GPRIN3: variants seen among roughly 807,000 people sequenced by gnomAD.
GPRIN3 encodes the protein GPRIN family member 3.
Under a neutral mutation model 13.7 loss-of-function variants are expected in GPRIN3, and 12 were observed. The observed-to-expected ratio is 0.87, with a 90% CI of 0.56 to 1.42. The LOEUF (loss-of-function observed/expected upper bound fraction) is 1.42. GPRIN3 is among the 40% of genes most tolerant of loss of function. GPRIN3 has a pLI of 0.00. For synonymous variants in GPRIN3, 377 were observed against 372.7 expected (o/e 1.01, Z -0.13); for missense variants, 1,009 against 958.7 (o/e 1.05, Z -0.69).
Position 89,241,744 on chromosome 4 carries a change from G to A in GPRIN3, c.*6036C>T, listed in dbSNP as rs1237846903. On this transcript the variant is annotated 3_prime_UTR_variant, in exon 2 of 2. Transcript: ENST00000609438. The stretch of plus-strand genomic sequence containing the variant: ...CGTAAAGATGTGATCTAAAATAAAT[G>A]TTAAGGAATCTCAACTAAAATCATC... 12 of 152,198 alleles carry A rather than the reference G, an allele frequency of 7.9e-5. No individual in the cohort carries two copies. In the East Asian group the frequency reaches 2.1e-3, roughly 27 times the overall value. The allele number at this position is 152,198 out of a possible 1,614,324, so 9.4% of individuals were successfully genotyped here.
At chr4:89,264,057 G>A (rs983227742) in intron 1 of GPRIN3, among the ~76,000 whole-genome samples, 19 of 152,118 alleles carry the variant, frequency 1.2e-4, no homozygotes, top group Non-Finnish European at 4.4e-5. Context: ...CCAACCTCAG[G>A]ACACTTTGCA....
chr4:89,248,181 C>T lies in GPRIN3; in HGVS notation c.1930G>A (p.Glu644Lys). The T allele has an allele frequency of 4.3e-6, 7 of 1,614,132 alleles. No homozygotes were observed. In the South Asian group the frequency reaches 6.6e-5, roughly 15 times the overall value. Residue 644 changes from glutamate (E) to lysine (K), a missense_variant, in exon 2 of 2, where the codon GAG becomes AAG. By Grantham distance (56) the Glu-to-Lys change is moderately conservative. Coordinates refer to ENST00000609438, the MANE Select transcript of GPRIN3 (RefSeq NM_198281.3). ...GCTGCTGTCACATTTAACTTTTGCT[C>T]CTTGAGGAACTCGCTGACGCGGCTG... is the stretch of plus-strand genomic sequence containing the variant. Reference protein sequence around the residue: ...RPSRVSEFLKEQKLNVTAAAA... With the variant: ...RPSRVSEFLKKQKLNVTAAAA...
At chr4:89,250,297 A>C in intron 1 of GPRIN3, 64 bp from the exon 2 acceptor site, 2 of 1,204,768 alleles carry the variant, frequency 1.7e-6, no homozygotes, top group Non-Finnish European at 2.2e-6. Flanking sequence ...AAATAAACCA[A>C]ACTGTCGTTT....
At chr4:89,292,106 T>C (rs560721468) in intron 1 of GPRIN3, among the ~76,000 whole-genome samples, 25 of 152,296 alleles carry the variant, frequency 1.6e-4, no homozygotes, top group African/African-American at 6.0e-4. Context: ...GCTACTTAAA[T>C]AAATGCTTCT....
intron 1 of GPRIN3, among the ~76,000 whole-genome samples, chr4:89,281,918 T>C (rs183359685): frequency 2.0e-5 from 3 of 152,144 alleles, no homozygotes; most frequent in Admixed American, 6.5e-5. Context: ...TGTTGTCTCA[T>C]TGCATTCTAA....
chr4:89,249,828 T>A lies in GPRIN3; in HGVS notation c.283A>T (p.Asn95Tyr). 1 of 1,614,176 alleles carries A rather than the reference T, an allele frequency of 6.2e-7. No homozygotes were observed. The highest frequency in any genetic ancestry group is 8.5e-7 in the Non-Finnish European group (1 of 1,180,016). Residue 95 changes from asparagine to tyrosine, a missense_variant, in exon 2 of 2, where the codon AAC becomes TAC. Coordinates refer to ENST00000609438, the MANE Select transcript of GPRIN3 (RefSeq NM_198281.3). Reference sequence around the variant, plus strand: ...GGCAGCTGGGGATTGCCGGGAGAGTTGAATGTGGCAGGTGCTTTCTGCACT... The same window carrying A: ...GGCAGCTGGGGATTGCCGGGAGAGTAGAATGTGGCAGGTGCTTTCTGCACT... ...NEVQKAPATF[N>Y]SPGNPQLPGS...
intron 1 of GPRIN3, among the ~76,000 whole-genome samples, chr4:89,296,203 A>G (rs1724728360): frequency 6.6e-6 from 1 of 152,160 alleles, no homozygotes; most frequent in Non-Finnish European, 1.5e-5. Flanking sequence ...CCAGAGTGAT[A>G]AAAAGGGTCC....
At chr4:89,295,289 G>A (rs528409909) in intron 1 of GPRIN3, among the ~76,000 whole-genome samples, 2 of 152,158 alleles carry the variant, frequency 1.3e-5, no homozygotes. Flanking sequence ...TCAATGAAGG[G>A]GTCTTCCATT....
Position 89,237,730 on chromosome 4 carries a change from A to G in GPRIN3, c.*10050T>C, listed in dbSNP as rs2149243903. 1 of 152,318 alleles carries G rather than the reference A, an allele frequency of 6.6e-6. No individual in the cohort carries two copies. Among genetic ancestry groups the G allele is most frequent in the Non-Finnish European group, 1.5e-5 (1 of 68,036 alleles). The allele number at this position is 152,318 out of a possible 1,614,324, so 9.4% of individuals were successfully genotyped here. A position where few individuals can be genotyped will look rare whatever the true frequency, so the allele number is the denominator to read the frequency against. ...CAGACAGGGTGGTTGACCAAAAGTG[A>G]TCTTATATTGTTTACAAAAGGCAAA... On this transcript the variant is annotated 3_prime_UTR_variant, in exon 2 of 2. Transcript: ENST00000609438.
chr4:89,295,361 C>A (rs529136583), intron 1 of GPRIN3, among the ~76,000 whole-genome samples: 3 of 152,258 alleles, frequency 2.0e-5, no homozygotes, highest in African/African-American at 7.2e-5. Context: ...CCAGGCCTTT[C>A]ATTCAAGGGC....
At chr4:89,280,414 T>C (rs951908849) in intron 1 of GPRIN3, among the ~76,000 whole-genome samples, 2 of 152,214 alleles carry the variant, frequency 1.3e-5, no homozygotes, top group African/African-American at 4.8e-5. Flanking sequence ...AATTCTTGAG[T>C]TTGGCATACA....
At chr4:89,294,322 G>A (rs1290537037) in intron 1 of GPRIN3, among the ~76,000 whole-genome samples, 1 of 152,162 alleles carries the variant, frequency 6.6e-6, no homozygotes, top group African/African-American at 2.4e-5. Flanking sequence ...AAAGGTGGGA[G>A]AATCAGCTGA....
intron 1 of GPRIN3, among the ~76,000 whole-genome samples, chr4:89,277,640 TG>T (rs1300571473): frequency 6.6e-6 from 1 of 152,198 alleles, no homozygotes; most frequent in Non-Finnish European, 1.5e-5. Flanking sequence ...CCTCTGCCTT[TG>T]GGTGTCTGAG....
intron 1 of GPRIN3, among the ~76,000 whole-genome samples, chr4:89,260,431 C>T (rs553716167): frequency 5.1e-4 from 77 of 152,190 alleles, no homozygotes; most frequent in African/African-American, 1.7e-3. Flanking sequence ...ATTAAAAAAG[C>T]GAGGAAGAGA....
At chr4:89,253,016 GAAA>G (rs11408492) in intron 1 of GPRIN3, among the ~76,000 whole-genome samples, 6 of 124,078 alleles carry the variant, frequency 4.8e-5, no homozygotes, top group African/African-American at 1.5e-4. Context: ...TCTCAAAAAA[GAAA>G]AAAAAAAAAA....
intron 1 of GPRIN3, among the ~76,000 whole-genome samples, chr4:89,303,306 C>T (rs1724948186): frequency 6.6e-6 from 1 of 152,192 alleles, no homozygotes; most frequent in Admixed American, 6.5e-5. Flanking sequence ...CCTCACATGA[C>T]CACCTCGGCC....
At chr4:89,255,377 T>A (rs1275194435) in intron 1 of GPRIN3, among the ~76,000 whole-genome samples, 2 of 152,232 alleles carry the variant, frequency 1.3e-5, no homozygotes, top group African/African-American at 4.8e-5. Context: ...TGTTAGCCTC[T>A]TTTAGAAACC....
chr4:89,281,645 G>A (rs957873765), intron 1 of GPRIN3, among the ~76,000 whole-genome samples: 7 of 152,152 alleles, frequency 4.6e-5, no homozygotes, highest in African/African-American at 1.7e-4. Context: ...TTATCCCTTA[G>A]AGCCACTGGA....
At chr4:89,264,902 A>G (rs1410627614) in intron 1 of GPRIN3, among the ~76,000 whole-genome samples, 1 of 152,210 alleles carries the variant, frequency 6.6e-6, no homozygotes, top group African/African-American at 2.4e-5. Context: ...CTGGAATGCA[A>G]GCTTCAAGGG....
Sources: gnomAD v4.1 joint callset for allele counts (sites outside exome capture counted in the v4.1 genomes callset) on GRCh38, gnomAD v4.1.1 for gene constraint, MANE v1.5 for transcripts, NCBI Gene and HGNC (gene_info 2026-07-23, HGNC 2026-07-21) for gene names.